Variants in HIVEP3 observed in about 807,000 individuals in gnomAD.
HIVEP3 encodes HIVEP zinc finger 3.
In HIVEP3, 49 loss-of-function variants were observed where a neutral mutation model predicts 152.8. The observed-to-expected ratio is 0.32, with a 90% CI of 0.26 to 0.41. HIVEP3 has a LOEUF of 0.41. HIVEP3 is among the 10% of genes least tolerant of loss of function. The pLI is 1.00. For synonymous variants in HIVEP3, 1,269 were observed against 1,289.0 expected (o/e 0.98, Z 0.33); for missense variants, 2,790 against 3,103.3 (o/e 0.90, Z 2.40).
At chr1:42,000,913 T>C (rs962085900) in intron 1 of HIVEP3, among the ~76,000 whole-genome samples, 1 of 152,222 alleles carries the variant, frequency 6.6e-6, no homozygotes, top group African/African-American at 2.4e-5. Flanking sequence ...AGATCATAAA[T>C]GGAACAAGCA....
intron 1 of HIVEP3, among the ~76,000 whole-genome samples, chr1:41,893,897 T>C (rs1644488543): frequency 6.8e-6 from 1 of 147,180 alleles, no homozygotes; most frequent in Non-Finnish European, 1.5e-5. Flanking sequence ...TATGCATATA[T>C]AATATTTATT....
intron 1 of HIVEP3, among the ~76,000 whole-genome samples, chr1:41,945,255 G>C (rs1472131700): frequency 6.6e-6 from 1 of 152,140 alleles, no homozygotes; most frequent in East Asian, 1.9e-4. Context: ...GATAGACAAA[G>C]GGGTAAACAA....
At chr1:41,776,670 G>C (rs1294639834) in intron 1 of HIVEP3, among the ~76,000 whole-genome samples, 2 of 152,218 alleles carry the variant, frequency 1.3e-5, no homozygotes, top group Non-Finnish European at 2.9e-5. Context: ...GGGGGTATGA[G>C]GTCATAGCTG....
At chr1:41,903,710 G>C (rs1414679358) in intron 1 of HIVEP3, among the ~76,000 whole-genome samples, 1 of 152,166 alleles carries the variant, frequency 6.6e-6, no homozygotes, top group Non-Finnish European at 1.5e-5. Context: ...CCTCTGTTGA[G>C]CTGGCCAGGA....
intron 1 of HIVEP3, among the ~76,000 whole-genome samples, chr1:42,022,931 C>A (rs1434009973): frequency 6.6e-6 from 1 of 152,158 alleles, no homozygotes; most frequent in Admixed American, 6.5e-5. Flanking sequence ...TCACAAATTT[C>A]TTTTCCAGTG....
intron 1 of HIVEP3, among the ~76,000 whole-genome samples, chr1:41,897,795 G>A (rs1192362040): frequency 2.0e-5 from 3 of 152,138 alleles, no homozygotes; most frequent in Non-Finnish European, 4.4e-5. Context: ...GTCATGGAGA[G>A]AATCTTTGTC....
intron 1 of HIVEP3, among the ~76,000 whole-genome samples, chr1:41,842,902 G>A (rs565720734): frequency 1.3e-5 from 2 of 152,224 alleles, no homozygotes; most frequent in Admixed American, 6.5e-5. Context: ...CACTGACCTG[G>A]GGTAACCTCA....
Position 41,580,945 on chromosome 1 carries a change from T to C in HIVEP3, c.3853A>G (p.Ile1285Val). ...LSPSTEYSSD[I>V]RLPPVAPPAS... The stretch of plus-strand genomic sequence containing the variant: ...GGGGGAGCCACAGGGGGTAGCCGGA[T>C]GTCACTGCTGTACTCTGTGCTGGGG... Residue 1285 changes from isoleucine (I) to valine (V), a missense_variant, in exon 4 of 9, where the codon ATC becomes GTC. Ile to Val is a conservative substitution (Grantham distance 29, BLOSUM62 3). Coordinates refer to ENST00000372583, the MANE Select transcript of HIVEP3 (RefSeq NM_024503.5). 3 of 1,611,588 alleles carry C rather than the reference T, an allele frequency of 1.9e-6. No homozygotes were observed. The highest frequency in any genetic ancestry group is 2.5e-6 in the Non-Finnish European group (3 of 1,178,950).
intron 1 of HIVEP3, among the ~76,000 whole-genome samples, chr1:41,723,501 C>CACA (rs57345431): frequency 2.2e-3 from 322 of 146,540 alleles, no homozygotes; most frequent in African/African-American, 7.3e-3. Context: ...CACACAGCCA[C>CACA]CACACACACA....
At chr1:41,665,227 G>A (rs764054756) in intron 2 of HIVEP3, among the ~76,000 whole-genome samples, 4 of 152,292 alleles carry the variant, frequency 2.6e-5, no homozygotes, top group South Asian at 2.1e-4. Flanking sequence ...GCCTGACCTC[G>A]ACTCTACTCT....
At chr1:41,847,090 G>A (rs1391576232) in intron 1 of HIVEP3, 1 of 152,232 alleles carries the variant, frequency 6.6e-6, no homozygotes, top group Non-Finnish European at 1.5e-5. Context: ...GTTCTGAGCA[G>A]TTAATGCTGG....
Position 41,514,113 on chromosome 1 carries a change from A to G in HIVEP3, c.5471-363T>C, listed in dbSNP as rs78506004. Among the ~76,000 whole-genome samples, 896 of 152,278 alleles carry G rather than the reference A, an allele frequency of 5.9e-3. 8 individuals are homozygous for G. The highest frequency in any genetic ancestry group is 0.021 in the African/African-American group (852 of 41,528). ...TAACTTGCCCATGGAAGACAGCAGT[A>G]GGGCTGGGATTGAGCCATAGCAAAG... On this transcript the variant is annotated intron_variant, in intron 7 of 8. Coordinates refer to ENST00000372583, the MANE Select transcript of HIVEP3 (RefSeq NM_024503.5).
chr1:41,895,973 A>C (rs142549439), intron 1 of HIVEP3, among the ~76,000 whole-genome samples: 1 of 152,358 alleles, frequency 6.6e-6, no homozygotes, highest in African/African-American at 2.4e-5. Flanking sequence ...CACTGCCCGG[A>C]TGAATATTAA....
At chr1:41,846,696 A>G (rs1250043187) in intron 1 of HIVEP3, among the ~76,000 whole-genome samples, 3 of 152,230 alleles carry the variant, frequency 2.0e-5, no homozygotes, top group Non-Finnish European at 4.4e-5. Flanking sequence ...TACACTGTGA[A>G]GTAAATGTGT....
intron 2 of HIVEP3, among the ~76,000 whole-genome samples, chr1:41,655,348 C>T (rs995111046): frequency 5.9e-5 from 9 of 151,858 alleles, no homozygotes; most frequent in African/African-American, 1.7e-4. Flanking sequence ...TTTGGGAGGC[C>T]GAGGTGGGCA....
chr1:41,667,041 T>A (rs184302392), intron 2 of HIVEP3, among the ~76,000 whole-genome samples: 1 of 152,308 alleles, frequency 6.6e-6, no homozygotes. Context: ...ACTTCCCTTG[T>A]GAAGGCTTCC....
At chr1:41,857,065 C>A (rs970324981) in intron 1 of HIVEP3, among the ~76,000 whole-genome samples, 1 of 152,114 alleles carries the variant, frequency 6.6e-6, no homozygotes, top group Non-Finnish European at 1.5e-5. Flanking sequence ...CTTTTCTGTG[C>A]AGCCCTTCAG....
At chr1:41,748,435 T>C in intron 1 of HIVEP3, among the ~76,000 whole-genome samples, 1 of 152,178 alleles carries the variant, frequency 6.6e-6, no homozygotes, top group Non-Finnish European at 1.5e-5. Context: ...CCCACCTCCT[T>C]CAACTATTGA....
At chr1:41,544,679 C>CA (rs1643627629) in intron 5 of HIVEP3, among the ~76,000 whole-genome samples, 1 of 131,698 alleles carries the variant, frequency 7.6e-6, no homozygotes, top group African/African-American at 2.9e-5. Flanking sequence ...CCACCACCAC[C>CA]TCTACCACCA....
Sources: gnomAD v4.1 joint callset for allele counts (sites outside exome capture counted in the v4.1 genomes callset) on GRCh38, gnomAD v4.1.1 for gene constraint, MANE v1.5 for transcripts, NCBI Gene and HGNC (gene_info 2026-07-23, HGNC 2026-07-21) for gene names.